The following WASF3 variants were observed in gnomAD, a reference collection of about 807,000 sequenced individuals.
WASF3 encodes the protein WASP family member 3, also known as actin-binding protein WASF3.
In WASF3, 11 loss-of-function variants were observed where a neutral mutation model predicts 46.6. The observed-to-expected ratio is 0.24, with a 90% CI of 0.15 to 0.39. The LOEUF (loss-of-function observed/expected upper bound fraction) is 0.39. Ranked by LOEUF, WASF3 falls within the 10% of genes least tolerant of loss-of-function variation. The probability of loss-of-function intolerance (pLI) is 1.00; values close to 1 mark genes in which losing one functional copy is unlikely to be tolerated. For missense variants in WASF3, 576 were observed against 669.8 expected, an observed-to-expected ratio of 0.86 and a Z score of 1.55; for synonymous variants, 242 against 259.7, an observed-to-expected ratio of 0.93 and a Z score of 0.65.
At position 26,688,488 on chromosome 13, in the gene WASF3, C is replaced by G. The variant is rs766909584; in HGVS notation, c.*2643C>G. The G allele has an allele frequency of 2.0e-5, 3 of 152,256 alleles. No homozygotes were observed. The highest frequency in any genetic ancestry group is 4.4e-5 in the Non-Finnish European group (3 of 68,054). 9.4% of individuals were successfully genotyped at this position (152,256 alleles called of 1,614,324 possible). A position where few individuals can be genotyped will look rare whatever the true frequency, so the allele number is the denominator to read the frequency against. ...AAGATTGCCCAGTCCCCGATGGCTGCGCACACAGGAGGCGGCGGAGCACAA... is the reference window on the plus strand; with the variant it reads ...AAGATTGCCCAGTCCCCGATGGCTGGGCACACAGGAGGCGGCGGAGCACAA... On this transcript the variant is annotated 3_prime_UTR_variant, in exon 10 of 10. Coordinates refer to ENST00000335327, the MANE Select transcript of WASF3 (RefSeq NM_006646.6).
rs1018433589 is a variant in WASF3 at position 26,679,143 on chromosome 13, C to T, written c.717-1911C>T. 5.3e-5 allele frequency among the ~76,000 whole-genome samples: 8 copies of T among 152,142 alleles called. No homozygotes were observed. Among genetic ancestry groups the T allele is most frequent in the Non-Finnish European group, 7.4e-5 (5 of 68,012 alleles). ...CTCTTCTGTAATAGGTGATCACTGA[C>T]CATCATGAGGCCTCGGGATCTCCAC... On this transcript the variant is annotated intron_variant, in intron 7 of 9. Coordinates refer to ENST00000335327, the MANE Select transcript of WASF3 (RefSeq NM_006646.6). The surrounding 1 kb of genome is among the most constrained non-coding windows in gnomAD (Gnocchi z 4.8).
chr13:26,564,515 T>A (rs1182704973), intron 1 of WASF3, among the ~76,000 whole-genome samples: 1 of 152,222 alleles, frequency 6.6e-6, no homozygotes, highest in East Asian at 1.9e-4. Context: ...ATGCTGAAGA[T>A]TTTATTAGCT....
intron 1 of WASF3, among the ~76,000 whole-genome samples, chr13:26,604,053 T>A (rs1399481738): frequency 6.6e-6 from 1 of 152,128 alleles, no homozygotes; most frequent in Non-Finnish European, 1.5e-5. Flanking sequence ...ATAGAGTCAG[T>A]CATAGAAGGA....
the WASF3 span, among the ~76,000 whole-genome samples, chr13:26,544,822 C>A: frequency 6.6e-6 from 1 of 152,178 alleles, no homozygotes; most frequent in Non-Finnish European, 1.5e-5. Context: ...TGTGGCCTGG[C>A]GGTTCCCACC....
chr13:26,669,183 T>C (rs561208865), intron 5 of WASF3, among the ~76,000 whole-genome samples: 4 of 151,168 alleles, frequency 2.6e-5, no homozygotes, highest in Non-Finnish European at 4.4e-5. Flanking sequence ...TTCAGTCTTA[T>C]GGAAAATAAA....
chr13:26,553,439 C>T (rs1879012001), upstream of WASF3, among the ~76,000 whole-genome samples: 1 of 151,872 alleles, frequency 6.6e-6, no homozygotes, highest in Non-Finnish European at 1.5e-5. Flanking sequence ...ATGATCCAGA[C>T]ATTTTTATTT....
chr13:26,650,145 G>C (rs1882272109), intron 3 of WASF3, among the ~76,000 whole-genome samples: 1 of 152,108 alleles, frequency 6.6e-6, no homozygotes, highest in African/African-American at 2.4e-5. Context: ...GAGCCTAACA[G>C]ACTGAGATTT....
intron 7 of WASF3, among the ~76,000 whole-genome samples, chr13:26,678,659 GCT>G (rs1317774919): frequency 6.6e-6 from 1 of 151,858 alleles, no homozygotes; most frequent in South Asian, 2.1e-4. Flanking sequence ...TTACATTTTT[GCT>G]CTCTCTCTAG....
chr13:26,589,532 T>C (rs906483825), intron 1 of WASF3, among the ~76,000 whole-genome samples: 1 of 152,220 alleles, frequency 6.6e-6, no homozygotes, highest in Non-Finnish European at 1.5e-5. Flanking sequence ...GCATCGTCAA[T>C]AGATGCATTT....
At chr13:26,582,465 C>T (rs1454020755) in intron 1 of WASF3, among the ~76,000 whole-genome samples, 1 of 151,982 alleles carries the variant, frequency 6.6e-6, no homozygotes, top group Admixed American at 6.6e-5. Flanking sequence ...TGCCTGAGCT[C>T]AGGAGTTCGA....
intron 5 of WASF3, 47 bp from the exon 6 acceptor site, chr13:26,671,825 T>C: frequency 7.5e-7 from 1 of 1,327,590 alleles, no homozygotes; most frequent in Non-Finnish European, 1.0e-6. Context: ...CATATAAAAG[T>C]CTCTAACAAT....
upstream of WASF3, among the ~76,000 whole-genome samples, chr13:26,555,003 T>C (rs957994920): frequency 3.3e-5 from 5 of 152,256 alleles, no homozygotes; most frequent in African/African-American, 4.8e-5. Flanking sequence ...CCATCGGCAA[T>C]GGATGGGCAT....
chr13:26,589,339 A>G (rs528075305), intron 1 of WASF3, among the ~76,000 whole-genome samples: 1 of 152,106 alleles, frequency 6.6e-6, no homozygotes, highest in South Asian at 2.1e-4. Flanking sequence ...GTGCCTGGAG[A>G]GCATTGAAGG....
intron 6 of WASF3, among the ~76,000 whole-genome samples, chr13:26,673,548 A>G (rs752902414): frequency 6.6e-6 from 1 of 152,210 alleles, no homozygotes; most frequent in Admixed American, 6.5e-5. Context: ...AAATGTTCAT[A>G]TAGGTCCGCT....
intron 2 of WASF3, among the ~76,000 whole-genome samples, chr13:26,628,551 C>T (rs1195118573): frequency 4.6e-5 from 7 of 152,328 alleles, no homozygotes; most frequent in Middle Eastern, 3.4e-3. Flanking sequence ...GAATGGATCA[C>T]CTGGGTTCCT....
chr13:26,633,309 TCTC>T (rs1313315028), intron 2 of WASF3, among the ~76,000 whole-genome samples: 1 of 149,818 alleles, frequency 6.7e-6, no homozygotes, highest in Non-Finnish European at 1.5e-5. Flanking sequence ...TTCAAGCAAT[TCTC>T]CTGCCTCAGC....
At chr13:26,568,405 C>G (rs1413627683) in intron 1 of WASF3, among the ~76,000 whole-genome samples, 1 of 152,136 alleles carries the variant, frequency 6.6e-6, no homozygotes, top group Non-Finnish European at 1.5e-5. Flanking sequence ...CTGCTGCTGA[C>G]AGAGAAGCAA....
intron 3 of WASF3, among the ~76,000 whole-genome samples, chr13:26,644,291 A>G (rs570516813): frequency 6.6e-6 from 1 of 152,260 alleles, no homozygotes; most frequent in Non-Finnish European, 1.5e-5. Flanking sequence ...GACTTCTGAC[A>G]TCCAGAACTG....
chr13:26,639,371 A>C (rs1230853013), intron 2 of WASF3, among the ~76,000 whole-genome samples: 1 of 152,230 alleles, frequency 6.6e-6, no homozygotes, highest in Non-Finnish European at 1.5e-5. Context: ...GAAGTACCCC[A>C]AGGGAAGGCC....
Sources: gnomAD v4.1 joint callset for allele counts (sites outside exome capture counted in the v4.1 genomes callset) on GRCh38, gnomAD v4.1.1 for gene constraint, Gnocchi (gnomAD v3.1) non-coding constraint, MANE v1.5 for transcripts, NCBI Gene and HGNC (gene_info 2026-07-23, HGNC 2026-07-21) for gene names.